Variants in SLC7A10 observed in about 807,000 individuals in gnomAD.
SLC7A10 encodes solute carrier family 7 member 10, also known as asc-type amino acid transporter 1.
SLC7A10 carries 30 observed loss-of-function variants against 52.7 expected under a neutral mutation model. The observed-to-expected ratio is 0.57, with a 90% CI of 0.43 to 0.77. SLC7A10 has a LOEUF of 0.77. SLC7A10 is among the 30% of genes least tolerant of loss of function. The pLI is 0.00. For missense variants in SLC7A10, 581 were observed against 698.5 expected (o/e 0.83, Z 1.90); for synonymous variants, 318 against 314.9 (o/e 1.01, Z -0.10).
chr19:33,215,872 C>G lies in SLC7A10; in HGVS notation c.253G>C (p.Val85Leu), dbSNP rs572474768. 6.2e-7 allele frequency: 1 copy of G among 1,608,060 alleles called. No individual in the cohort carries two copies. Among genetic ancestry groups the G allele is most frequent in the Admixed American group, 1.7e-5 (1 of 59,460 alleles). Residue 85 changes from valine to leucine, a missense_variant, in exon 2 of 11, where the codon GTG becomes CTG. Coordinates refer to ENST00000253188, the MANE Select transcript of SLC7A10 (RefSeq NM_019849.3). ...ALFVWVLGGG[V>L]TALGSLCYAE... is the part of the protein sequence containing the mutation. ...TAGCAGAGGGAGCCCAGAGCCGTCA[C>G]GCCCCCACCCAGGACCCAGACGAAC... is the stretch of plus-strand genomic sequence containing the variant.
chr19:33,210,323 C>A lies in SLC7A10; in HGVS notation c.1263+144G>T. 1 of 1,003,668 alleles carries A rather than the reference C, an allele frequency of 1.0e-6. No individual in the cohort carries two copies. The highest frequency in any genetic ancestry group is 1.5e-6 in the Non-Finnish European group (1 of 684,914). The allele number at this position is 1,003,668 out of a possible 1,614,324, so 62.2% of individuals were successfully genotyped here. The stretch of plus-strand genomic sequence containing the variant: ...ATGGGGCTGCTATGAGGAATGGCTG[C>A]CTCAGTGCACAGAGAGCCCTGAGCA... On this transcript the variant is annotated intron_variant, in intron 9 of 10. Transcript: ENST00000253188. The surrounding 1 kb of genome is among the most constrained non-coding windows in gnomAD (Gnocchi z 5.6).
At chr19:33,217,258 C>T (rs1974707618) in intron 1 of SLC7A10, among the ~76,000 whole-genome samples, 1 of 152,022 alleles carries the variant, frequency 6.6e-6, no homozygotes, top group Non-Finnish European at 1.5e-5. Flanking sequence ...ATTGACCACC[C>T]ACTTCGGCCT....
rs1974577293 is a variant in SLC7A10, at chr19:33,212,498, C to T, written c.634+16G>A. 1.2e-6 allele frequency: 2 copies of T among 1,613,990 alleles called. No individual in the cohort carries two copies. Among genetic ancestry groups the T allele is most frequent in the Non-Finnish European group, 1.7e-6 (2 of 1,180,040 alleles). ...ACCATCTCCCCAGCCCGGCCCTTAC[C>T]CCGACTCGGCCCTACCTTGGAAGAT... On this transcript the variant is annotated intron_variant, in intron 4 of 10. Transcript: ENST00000253188.
intron 1 of SLC7A10, chr19:33,220,333 T>A (rs1435223918): frequency 6.6e-6 from 1 of 152,148 alleles, no homozygotes; most frequent in Non-Finnish European, 1.5e-5. Context: ...CAGGGCCCTG[T>A]CTCCTGGCTG....
rs61759827 is a variant in SLC7A10, at chr19:33,211,353, A to C, written c.913-25T>G. ...TCTGGGTGGGCACAGTAGAGAGGCC[A>C]TGTGTAAGGCCGGGGCAGGGGCCTG... On this transcript the variant is annotated intron_variant, in intron 6 of 10. Transcript: ENST00000253188. 1.2e-5 allele frequency: 20 copies of C among 1,613,660 alleles called. No homozygotes were observed. The African/African-American group carries it at 2.5e-4, about 20-fold the overall frequency.
chr19:33,208,993 C>T lies in SLC7A10; in HGVS notation c.1470G>A (p.Leu490=), dbSNP rs1220710696. ...CGTCCTGGGGGTAGACCACGAAACA[C>T]AGCTCCTGGCCCCAGTGTGTCATGG... ...TESMTHWGQE[L]CFVVYPQDAP... Residue 490 remains leucine (L), a synonymous_variant, in exon 11 of 11, where the codon CTG becomes CTA. Coordinates refer to ENST00000253188, the MANE Select transcript of SLC7A10 (RefSeq NM_019849.3). This position sits in a 1 kb window ranked among gnomAD's most constrained non-coding sequence, Gnocchi z 4.7. 1.2e-6 allele frequency: 2 copies of T among 1,613,846 alleles called. No individual in the cohort carries two copies. The highest frequency in any genetic ancestry group is 1.3e-5 in the African/African-American group (1 of 75,054).
chr19:33,209,524 C>T, intron 9 of SLC7A10, 39 bp from the exon 10 acceptor site: 1 of 1,607,182 alleles, frequency 6.2e-7, no homozygotes, highest in Non-Finnish European at 8.5e-7. Flanking sequence ...GGTGCAGGGC[C>T]TCCAGCTGTC....
intron 1 of SLC7A10, among the ~76,000 whole-genome samples, chr19:33,222,946 A>C (rs933691523): frequency 7.2e-5 from 11 of 152,162 alleles, no homozygotes; most frequent in African/African-American, 2.4e-4. Flanking sequence ...AGGATCTCCT[A>C]GGAGGGTCGC....
chr19:33,208,914 C>T lies in SLC7A10; in HGVS notation c.1549G>A (p.Asp517Asn). ...TCTCATTGTGGCTTCGAGGGCTTGT[C>T]TGTGGCAGGCAGCAGGGAGGGTGGG... ...PCPPSLLPAT[D>N]KPSKPQ Residue 517 changes from aspartate to asparagine, a missense_variant, in exon 11 of 11, where the codon GAC becomes AAC. Coordinates refer to ENST00000253188, the MANE Select transcript of SLC7A10 (RefSeq NM_019849.3). This position sits in a 1 kb window ranked among gnomAD's most constrained non-coding sequence, Gnocchi z 4.7. 1.7e-6 allele frequency: 2 copies of T among 1,149,692 alleles called. No individual in the cohort carries two copies. Among genetic ancestry groups the T allele is most frequent in the Non-Finnish European group, 2.4e-6 (2 of 817,472 alleles). The allele number at this position is 1,149,692 out of a possible 1,614,324, so 71.2% of individuals were successfully genotyped here.
intron 1 of SLC7A10, 120 bp from the exon 2 acceptor site, chr19:33,216,093 G>A: frequency 3.4e-6 from 3 of 881,514 alleles, no homozygotes; most frequent in Non-Finnish European, 3.4e-6. Flanking sequence ...CGGAGGAGGA[G>A]GAGGCAGGAG....
intron 2 of SLC7A10, 29 bp downstream of exon 2, chr19:33,215,740 C>G: frequency 6.5e-7 from 1 of 1,546,342 alleles, no homozygotes; most frequent in Non-Finnish European, 8.7e-7. Flanking sequence ...AAGAGGGTGT[C>G]CCCCTGCCCG....
rs1260529644 is a variant in SLC7A10, at chr19:33,210,920, G to C, written c.1017-22C>G. 4 of 1,606,742 alleles carry C rather than the reference G, an allele frequency of 2.5e-6. No individual in the cohort carries two copies. The highest frequency in any genetic ancestry group is 1.3e-5 in the African/African-American group (1 of 74,774). On this transcript the variant is annotated intron_variant, in intron 7 of 10. Coordinates refer to ENST00000253188, the MANE Select transcript of SLC7A10 (RefSeq NM_019849.3). This position sits in a 1 kb window ranked among gnomAD's most constrained non-coding sequence, Gnocchi z 5.6. ...CAGCCTAGCGTTGGGGACAGATATG[G>C]GCACTGGCCACATCCTGGGTCTCAG... is the stretch of plus-strand genomic sequence containing the variant.
intron 5 of SLC7A10, 97 bp downstream of exon 5, chr19:33,212,195 C>A: frequency 3.9e-6 from 6 of 1,528,676 alleles, no homozygotes; most frequent in Non-Finnish European, 5.3e-6. Context: ...CGAGGACCAG[C>A]CCGAGCCTTG....
intron 1 of SLC7A10, among the ~76,000 whole-genome samples, chr19:33,216,760 A>G (rs1261675502): frequency 6.6e-6 from 1 of 151,972 alleles, no homozygotes; most frequent in African/African-American, 2.4e-5. Context: ...GTACTTTTTT[A>G]GTAGAGATGG....
At chr19:33,215,738 GT>G in intron 2 of SLC7A10, 30 bp downstream of exon 2, 1 of 1,543,716 alleles carries the variant, frequency 6.5e-7, no homozygotes, top group South Asian at 1.2e-5. Context: ...CCAAGAGGGT[GT>G]CCCCCTGCCC....
intron 1 of SLC7A10, among the ~76,000 whole-genome samples, chr19:33,220,702 C>T (rs1185984916): frequency 6.6e-6 from 1 of 152,200 alleles, no homozygotes; most frequent in East Asian, 1.9e-4. Flanking sequence ...AACCACTCAG[C>T]CGCGGACATC....
In SLC7A10 at chr19:33,209,496, G is replaced by A; in HGVS notation, c.1264-11C>T. The A allele has an allele frequency of 1.2e-6, 2 of 1,613,540 alleles. No individual in the cohort carries two copies. Among genetic ancestry groups the A allele is most frequent in the South Asian group, 2.2e-5 (2 of 91,082 alleles). On this transcript the variant is annotated splice_polypyrimidine_tract_variant and intron_variant, in intron 9 of 10. Transcript: ENST00000253188. ...GATGAGAAGGTTCACCTGGGGAAGG[G>A]GGAGCAGAAACACCGATGGTGCAGG...
rs116778069 is a variant in SLC7A10, at chr19:33,211,395, C to T, written c.912+19G>A. The T allele has an allele frequency of 8.6e-4, 1,394 of 1,613,632 alleles. 3 individuals are homozygous for T. In the African/African-American group the frequency reaches 0.015, roughly 18 times the overall value. The stretch of plus-strand genomic sequence containing the variant: ...AGGGGCCTGGGCAGGAGCCAGGGAC[C>T]GAGCAGGGGCCCACTCACCACAGCC... On this transcript the variant is annotated intron_variant, in intron 6 of 10. Coordinates refer to ENST00000253188, the MANE Select transcript of SLC7A10 (RefSeq NM_019849.3).
intron 1 of SLC7A10, among the ~76,000 whole-genome samples, chr19:33,218,558 C>T (rs1021299235): frequency 3.3e-5 from 5 of 151,132 alleles, no homozygotes; most frequent in Admixed American, 6.6e-5. Flanking sequence ...ATGGAGCAGC[C>T]GGGGCTGCGG....
Sources: gnomAD v4.1 joint callset for allele counts (sites outside exome capture counted in the v4.1 genomes callset) on GRCh38, gnomAD v4.1.1 for gene constraint, Gnocchi (gnomAD v3.1) non-coding constraint, MANE v1.5 for transcripts, NCBI Gene and HGNC (gene_info 2026-07-23, HGNC 2026-07-21) for gene names.